Variants in MAPK4 observed in about 807,000 individuals in gnomAD.
MAPK4 encodes the protein mitogen-activated protein kinase 4.
MAPK4 carries 22 observed loss-of-function variants against 47.7 expected under a neutral mutation model. That is an observed-to-expected ratio of 0.46 (90% confidence interval 0.33 to 0.66). MAPK4 has a LOEUF of 0.66. MAPK4 is among the 30% of genes least tolerant of loss of function. MAPK4 has a pLI of 0.02. For synonymous variants in MAPK4, 390 were observed against 365.7 expected, an observed-to-expected ratio of 1.07 and a Z score of -0.76; for missense variants, 736 against 831.7, an observed-to-expected ratio of 0.88 and a Z score of 1.42.
At chr18:50,632,374 T>C (rs1260219718) in intron 1 of MAPK4, among the ~76,000 whole-genome samples, 2 of 152,156 alleles carry the variant, frequency 1.3e-5, no homozygotes, top group African/African-American at 4.8e-5. Context: ...CAAAGTTCTT[T>C]TGTGTTATGT....
chr18:50,724,866 G>A (rs1911109835), intron 4 of MAPK4, among the ~76,000 whole-genome samples: 2 of 152,204 alleles, frequency 1.3e-5, no homozygotes, highest in Non-Finnish European at 2.9e-5. Context: ...CTCCATGTGG[G>A]CTGTAACATG....
At position 50,678,700 on chromosome 18, in the gene MAPK4, C is replaced by A. The variant is rs9947919; in HGVS notation, c.546+14196C>A. The stretch of plus-strand genomic sequence containing the variant: ...TGAACAGGCCTTGGTCCCACAGCTG[C>A]CCCCACACTCTTATTCTTGCTTTCT... On this transcript the variant is annotated intron_variant, in intron 2 of 5. Coordinates refer to ENST00000400384, the MANE Select transcript of MAPK4 (RefSeq NM_002747.4). The surrounding 1 kb of genome is among the most constrained non-coding windows in gnomAD (Gnocchi z 4.2). Among the ~76,000 whole-genome samples, 1 of 152,146 alleles carries A rather than the reference C, an allele frequency of 6.6e-6. No individual in the cohort carries two copies. Among genetic ancestry groups the A allele is most frequent in the Non-Finnish European group, 1.5e-5 (1 of 68,024 alleles).
chr18:50,720,956 A>G (rs1240172785), intron 3 of MAPK4, among the ~76,000 whole-genome samples: 3 of 152,228 alleles, frequency 2.0e-5, no homozygotes, highest in African/African-American at 7.2e-5. Context: ...CTGGAATCCC[A>G]TGGGAATTCA....
intron 1 of MAPK4, among the ~76,000 whole-genome samples, chr18:50,614,155 T>C (rs549633448): frequency 6.6e-6 from 1 of 152,266 alleles, no homozygotes; most frequent in East Asian, 1.9e-4. Context: ...ATACATATAA[T>C]TCATAAATTA....
chr18:50,624,793 C>G (rs1259199050), intron 1 of MAPK4, among the ~76,000 whole-genome samples: 1 of 152,084 alleles, frequency 6.6e-6, no homozygotes, highest in African/African-American at 2.4e-5. Flanking sequence ...AGGTACACAG[C>G]TGCTCTTCTT....
intron 1 of MAPK4, among the ~76,000 whole-genome samples, chr18:50,627,079 G>T (rs1230553436): frequency 1.5e-5 from 2 of 137,498 alleles, no homozygotes; most frequent in Admixed American, 8.2e-5. Context: ...TGGCCACATG[G>T]CCTCCATTTC....
intron 2 of MAPK4, among the ~76,000 whole-genome samples, chr18:50,710,415 G>A (rs943717989): frequency 2.6e-5 from 4 of 152,040 alleles, no homozygotes; most frequent in South Asian, 2.1e-4. Context: ...TCCGGGAGGC[G>A]GAGGTTGCAG....
chr18:50,707,199 G>GT (rs1235680609), intron 2 of MAPK4, among the ~76,000 whole-genome samples: 2 of 152,154 alleles, frequency 1.3e-5, no homozygotes, highest in Admixed American at 6.5e-5. Context: ...GAGCATGGTG[G>GT]TTGCCAGAGG....
At chr18:50,695,807 G>A (rs939087254) in intron 2 of MAPK4, among the ~76,000 whole-genome samples, 11 of 152,250 alleles carry the variant, frequency 7.2e-5, no homozygotes, top group Non-Finnish European at 1.6e-4. Context: ...TGGAGATTGC[G>A]AAAGGGAGGG....
At chr18:50,713,171 C>T (rs768809326) in intron 2 of MAPK4, among the ~76,000 whole-genome samples, 4 of 152,162 alleles carry the variant, frequency 2.6e-5, no homozygotes, top group African/African-American at 4.8e-5. Context: ...GGAATTGTTA[C>T]GTATCTTGAT....
chr18:50,707,819 A>G (rs111795866), intron 2 of MAPK4, among the ~76,000 whole-genome samples: 1 of 152,214 alleles, frequency 6.6e-6, no homozygotes, highest in African/African-American at 2.4e-5. Context: ...AATTTATATG[A>G]GCTTTTGGTT....
At chr18:50,681,216 ACTGT>A (rs1908566557) in intron 2 of MAPK4, among the ~76,000 whole-genome samples, 2 of 152,172 alleles carry the variant, frequency 1.3e-5, no homozygotes, top group African/African-American at 2.4e-5. Flanking sequence ...TCTCTGGAGA[ACTGT>A]CTATTTAGAC....
chr18:50,710,397 C>T (rs1032114244), intron 2 of MAPK4, among the ~76,000 whole-genome samples: 1 of 151,928 alleles, frequency 6.6e-6, no homozygotes, highest in Non-Finnish European at 1.5e-5. Context: ...GTGGGAGGAT[C>T]GCTTGAATCC....
At chr18:50,660,125 T>C (rs1418225645) in intron 1 of MAPK4, among the ~76,000 whole-genome samples, 1 of 151,972 alleles carries the variant, frequency 6.6e-6, no homozygotes, top group Non-Finnish European at 1.5e-5. Context: ...GGGCTTACAA[T>C]GCAAATTACA....
intron 1 of MAPK4, among the ~76,000 whole-genome samples, chr18:50,645,962 GGGATCT>G (rs1433755011): frequency 6.6e-6 from 1 of 152,300 alleles, no homozygotes; most frequent in African/African-American, 2.4e-5. Flanking sequence ...GAAGGTAAAT[GGGATCT>G]ATGTGATTAT....
At chr18:50,643,988 A>G (rs1381241866) in intron 1 of MAPK4, among the ~76,000 whole-genome samples, 2 of 150,416 alleles carry the variant, frequency 1.3e-5, no homozygotes, top group African/African-American at 2.5e-5. Flanking sequence ...TCCCCTTACT[A>G]TCAACTTTAA....
At chr18:50,666,085 G>A (rs888735692) in intron 2 of MAPK4, among the ~76,000 whole-genome samples, 2 of 152,138 alleles carry the variant, frequency 1.3e-5, no homozygotes, top group Non-Finnish European at 2.9e-5. Flanking sequence ...GGAATAAACC[G>A]GTACATTTGA....
At chr18:50,693,152 A>T (rs1968506) in intron 2 of MAPK4, among the ~76,000 whole-genome samples, 72,802 of 151,732 alleles carry the variant, frequency 0.48, 17,419 homozygotes, top group East Asian at 0.56. Flanking sequence ...CCAGCTACTC[A>T]GGAGGCTGAG....
chr18:50,605,921 A>G (rs924220855), intron 1 of MAPK4, among the ~76,000 whole-genome samples: 23 of 152,076 alleles, frequency 1.5e-4, no homozygotes, highest in African/African-American at 4.6e-4. Context: ...GAGATCACGA[A>G]CTCAAAGGGG....
Sources: gnomAD v4.1 joint callset for allele counts (sites outside exome capture counted in the v4.1 genomes callset) on GRCh38, gnomAD v4.1.1 for gene constraint, Gnocchi (gnomAD v3.1) non-coding constraint, MANE v1.5 for transcripts, NCBI Gene and HGNC (gene_info 2026-07-23, HGNC 2026-07-21) for gene names.